The following CMTM1 variants were observed in gnomAD, a reference collection of about 807,000 sequenced individuals.
CMTM1 encodes CKLF-like MARVEL transmembrane domain-containing protein 1.
CMTM1 carries 16 observed loss-of-function variants against 17.8 expected under a neutral mutation model. The ratio of observed to expected loss-of-function variants is 0.90; its 90% confidence interval spans 0.61 to 1.37. The LOEUF (loss-of-function observed/expected upper bound fraction) is 1.37. Among genes scored for constraint, CMTM1 ranks in the 40% most tolerant of loss-of-function variants. The pLI is 0.00. For missense variants in CMTM1, 354 were observed against 375.6 expected (o/e 0.94, Z 0.47); for synonymous variants, 169 against 154.6 (o/e 1.09, Z -0.69).
At chr16:66,575,988 CATT>C (rs1286577607) in intron 2 of CMTM1, among the ~76,000 whole-genome samples, 1 of 152,226 alleles carries the variant, frequency 6.6e-6, no homozygotes, top group East Asian at 1.9e-4. Context: ...CTCGTTCCTC[CATT>C]ATTGTTTTGC....
intron 1 of CMTM1, among the ~76,000 whole-genome samples, chr16:66,569,639 T>C (rs1042340840): frequency 1.3e-5 from 2 of 152,258 alleles, no homozygotes; most frequent in African/African-American, 4.8e-5. Context: ...TTTACCAGTA[T>C]ATATACAGAC....
At chr16:66,574,715 T>TG (rs1235231141) in intron 2 of CMTM1, among the ~76,000 whole-genome samples, 1 of 152,194 alleles carries the variant, frequency 6.6e-6, no homozygotes, top group Non-Finnish European at 1.5e-5. Context: ...GGTCTGTGGT[T>TG]GGTTTATTAT....
At chr16:66,574,935 C>A (rs989501276) in intron 2 of CMTM1, 34 of 984,936 alleles carry the variant, frequency 3.5e-5, no homozygotes, top group Non-Finnish European at 4.0e-5. Flanking sequence ...TTATACAATC[C>A]TCAGGTGTAA....
At chr16:66,567,377 A>T in intron 1 of CMTM1, 3 of 275,298 alleles carry the variant, frequency 1.1e-5, no homozygotes, top group South Asian at 3.4e-5. Flanking sequence ...TCGTTGTTCA[A>T]CTCTCACTTA....
At chr16:66,571,266 G>A (rs2013488615) in intron 2 of CMTM1, 1 of 445,708 alleles carries the variant, frequency 2.2e-6, no homozygotes, top group East Asian at 7.0e-5. Context: ...TTTCAAGAAG[G>A]GAAGGTAAAG....
intron 2 of CMTM1, chr16:66,575,269 C>T: frequency 1.1e-6 from 1 of 924,444 alleles, no homozygotes; most frequent in South Asian, 5.0e-5. Flanking sequence ...CTCCCACCAG[C>T]TACTAGATGC....
At chr16:66,567,726 AAG>A (rs2012802836) in intron 1 of CMTM1, among the ~76,000 whole-genome samples, 1 of 152,240 alleles carries the variant, frequency 6.6e-6, no homozygotes, top group African/African-American at 2.4e-5. Flanking sequence ...CCAAGAAAAA[AAG>A]GGGGAAGAAA....
rs1249736285 is a variant in CMTM1, at chr16:66,566,780, C to A, written c.267C>A (p.Pro89=). The A allele has an allele frequency of 6.2e-7, 1 of 1,613,276 alleles. No individual in the cohort carries two copies. The highest frequency in any genetic ancestry group is 1.3e-5 in the African/African-American group (1 of 74,848). ...CCACCACACGCCCACCCCCAAAGCC[C>A]ACACTCCCACCCCCCACGCCCTCTG... ...RKATTRPPPK[P]TLPPPTPSAH... is the part of the protein sequence containing the mutation. Residue 89 remains proline (P), a synonymous_variant, in exon 1 of 4, where the codon CCC becomes CCA. Transcript: ENST00000379500. The surrounding 1 kb of genome is among the most constrained non-coding windows in gnomAD (Gnocchi z 4.9).
At position 66,570,049 on chromosome 16, in the gene CMTM1, G is replaced by GCTAAC; in HGVS notation, c.548_552dup (p.Leu185Ter). The GCTAAC allele has an allele frequency of 6.4e-7, 1 of 1,561,984 alleles. No individual in the cohort carries two copies. Among genetic ancestry groups the GCTAAC allele is most frequent in the South Asian group, 1.1e-5 (1 of 89,618 alleles). ...TCGTTTTTTTTATTCTAATATATGT[G>GCTAAC]CTAACCCTTCACCACTTGCTGACCT... On this transcript the variant is annotated frameshift_variant, in exon 2 of 4. Transcript: ENST00000379500. LOFTEE classifies it high-confidence loss of function.
chr16:66,571,848 TG>T (rs1420317097), intron 2 of CMTM1, among the ~76,000 whole-genome samples: 6 of 152,158 alleles, frequency 3.9e-5, no homozygotes, highest in African/African-American at 1.4e-4. Flanking sequence ...TAGGGTTCAG[TG>T]GTAATGCCCA....
rs370268819 is a variant in CMTM1, at chr16:66,566,662, C to G, written c.149C>G (p.Pro50Arg). 3 of 1,613,996 alleles carry G rather than the reference C, an allele frequency of 1.9e-6. No homozygotes were observed. Among genetic ancestry groups the G allele is most frequent in the Non-Finnish European group, 2.5e-6 (3 of 1,179,984 alleles). Residue 50 changes from proline to arginine, a missense_variant, in exon 1 of 4, where the codon CCC becomes CGC. Coordinates refer to ENST00000379500, the MANE Select transcript of CMTM1 (RefSeq NM_052999.4). The surrounding 1 kb of genome is among the most constrained non-coding windows in gnomAD (Gnocchi z 4.9). ...AQRNISAKTA[P>R]RKHPAVSIRS... Reference sequence around the variant, plus strand: ...CGCAACATCTCAGCGAAGACCGCACCCCGGAAGCACCCCGCAGTCTCAATT... The same window carrying G: ...CGCAACATCTCAGCGAAGACCGCACGCCGGAAGCACCCCGCAGTCTCAATT...
In CMTM1 at chr16:66,578,945, C is replaced by G. The variant is rs1377870237; in HGVS notation, c.805C>G (p.Pro269Ala). 6.2e-7 allele frequency: 1 copy of G among 1,614,138 alleles called. No individual in the cohort carries two copies. The highest frequency in any genetic ancestry group is 8.5e-7 in the Non-Finnish European group (1 of 1,180,024). Residue 269 changes from proline to alanine, a missense_variant, in exon 4 of 4, where the codon CCC becomes GCC. By Grantham distance (27) the Pro-to-Ala change is conservative. Transcript: ENST00000379500. ...LGVEVERKLS[P>A]AKDAYPETGP... ...AGTCGAAGTTGAAAGGAAGCTTTCCCCCGCCAAGGACGCCTACCCCGAAAC... is the reference window on the plus strand; with the variant it reads ...AGTCGAAGTTGAAAGGAAGCTTTCCGCCGCCAAGGACGCCTACCCCGAAAC...
chr16:66,569,681 A>G (rs2013190234), intron 1 of CMTM1, among the ~76,000 whole-genome samples: 1 of 152,232 alleles, frequency 6.6e-6, no homozygotes. Context: ...AACTGTTAAT[A>G]GTGGTTACTT....
chr16:66,571,326 T>G, intron 2 of CMTM1: 1 of 382,294 alleles, frequency 2.6e-6, no homozygotes, highest in East Asian at 7.3e-5. Context: ...TCATGTCACC[T>G]TATTTAATCC....
At chr16:66,578,334 G>C (rs2014513464) in intron 3 of CMTM1, among the ~76,000 whole-genome samples, 1 of 152,124 alleles carries the variant, frequency 6.6e-6, no homozygotes, top group African/African-American at 2.4e-5. Flanking sequence ...CTGACCTCCT[G>C]ATAGAGTCCC....
chr16:66,569,809 G>T, intron 1 of CMTM1, 127 bp from the exon 2 acceptor site: 1 of 608,744 alleles, frequency 1.6e-6, no homozygotes, highest in Non-Finnish European at 2.8e-6. Flanking sequence ...CAAAATGTAA[G>T]AAATGTTAAA....
intron 3 of CMTM1, 40 bp downstream of exon 3, chr16:66,577,242 T>A: frequency 6.5e-7 from 1 of 1,550,220 alleles, no homozygotes; most frequent in Non-Finnish European, 8.9e-7. Flanking sequence ...AGATCAGTAT[T>A]CCAAGACTTT....
intron 2 of CMTM1, among the ~76,000 whole-genome samples, chr16:66,573,345 T>A (rs533983919): frequency 8.5e-5 from 13 of 152,320 alleles, no homozygotes; most frequent in Admixed American, 8.5e-4. Flanking sequence ...TGCTCTTCAT[T>A]TTTAGGTTTA....
In CMTM1 at chr16:66,578,895, G is replaced by T. The variant is rs751345556; in HGVS notation, c.755G>T (p.Arg252Met). ...IDAFVVTTKM[R>M]TNLKRFLGVE... The stretch of plus-strand genomic sequence containing the variant: ...GCGTTTGTGGTCACCACGAAGATGA[G>T]GACCAACTTGAAAAGATTCCTGGGA... Residue 252 changes from arginine to methionine, a missense_variant, in exon 4 of 4, where the codon AGG becomes ATG. Coordinates refer to ENST00000379500, the MANE Select transcript of CMTM1 (RefSeq NM_052999.4). The T allele has an allele frequency of 3.1e-6, 5 of 1,614,078 alleles. No homozygotes were observed. The East Asian group carries it at 1.1e-4, about 36-fold the overall frequency.
Sources: gnomAD v4.1 joint callset for allele counts (sites outside exome capture counted in the v4.1 genomes callset) on GRCh38, gnomAD v4.1.1 for gene constraint, Gnocchi (gnomAD v3.1) non-coding constraint, MANE v1.5 for transcripts, NCBI Gene and HGNC (gene_info 2026-07-23, HGNC 2026-07-21) for gene names.